Variants in BMPR1B observed in about 807,000 individuals in gnomAD.
BMPR1B encodes bone morphogenetic protein receptor type 1B, also known as bone morphogenetic protein receptor type-1B.
BMPR1B carries 12 observed loss-of-function variants against 59.1 expected under a neutral mutation model. The observed-to-expected ratio is 0.20, with a 90% CI of 0.13 to 0.33. BMPR1B has a LOEUF of 0.33. Among genes scored for constraint, BMPR1B ranks in the 10% least tolerant of loss-of-function variants. The pLI is 1.00. For missense variants in BMPR1B, 550 were observed against 610.9 expected (o/e 0.90, Z 1.05); for synonymous variants, 237 against 207.3 (o/e 1.14, Z -1.23).
At chr4:95,036,593 T>C (rs911260012) in intron 3 of BMPR1B, among the ~76,000 whole-genome samples, 1 of 152,160 alleles carries the variant, frequency 6.6e-6, no homozygotes, top group African/African-American at 2.4e-5. Context: ...GTATGTACCA[T>C]ATTTTCTTTA....
chr4:94,970,516 G>T (rs771286766), intron 2 of BMPR1B, among the ~76,000 whole-genome samples: 5 of 152,076 alleles, frequency 3.3e-5, no homozygotes, highest in Non-Finnish European at 5.9e-5. Context: ...GTTTCGCCCT[G>T]TTGTCAGACT....
chr4:95,112,275 G>A (rs1404955503), intron 4 of BMPR1B, among the ~76,000 whole-genome samples: 2 of 151,930 alleles, frequency 1.3e-5, no homozygotes, highest in African/African-American at 4.8e-5. Context: ...TGGGAACGAG[G>A]GTAACAATCT....
chr4:94,966,149 A>G (rs2149071414), intron 2 of BMPR1B, among the ~76,000 whole-genome samples: 1 of 152,334 alleles, frequency 6.6e-6, no homozygotes, highest in South Asian at 2.1e-4. Context: ...AGTGGCAATA[A>G]CACAATTTTG....
chr4:95,066,961 G>A (rs551295937), intron 3 of BMPR1B, among the ~76,000 whole-genome samples: 23 of 152,258 alleles, frequency 1.5e-4, no homozygotes, highest in Non-Finnish European at 2.6e-4. Flanking sequence ...AGGTAATAGA[G>A]TCTTCTGTCT....
chr4:94,941,450 A>G (rs931249625), intron 2 of BMPR1B, among the ~76,000 whole-genome samples: 2 of 152,054 alleles, frequency 1.3e-5, no homozygotes, highest in Non-Finnish European at 2.9e-5. Flanking sequence ...AAAAAATGAA[A>G]AAGTATTGGT....
At chr4:95,034,075 A>T (rs1269071612) in intron 3 of BMPR1B, among the ~76,000 whole-genome samples, 2 of 152,222 alleles carry the variant, frequency 1.3e-5, no homozygotes, top group Non-Finnish European at 1.5e-5. Flanking sequence ...TATTAAGAGG[A>T]TGTTTGCTAG....
chr4:94,907,653 A>G (rs561133542), intron 2 of BMPR1B, among the ~76,000 whole-genome samples: 1 of 152,132 alleles, frequency 6.6e-6, no homozygotes, highest in East Asian at 1.9e-4. Context: ...GGCACCCTAG[A>G]GTCCATAGCA....
chr4:94,972,607 G>C (rs1334775734), intron 2 of BMPR1B, among the ~76,000 whole-genome samples: 2 of 150,402 alleles, frequency 1.3e-5, no homozygotes, highest in African/African-American at 2.5e-5. Flanking sequence ...TTTCATCATT[G>C]GTCACTTAGG....
intron 1 of BMPR1B, among the ~76,000 whole-genome samples, chr4:94,778,190 A>G (rs376649194): frequency 2.6e-5 from 4 of 152,142 alleles, no homozygotes; most frequent in African/African-American, 9.7e-5. Context: ...TGCATTCCTC[A>G]GTTGCATTTG....
At chr4:94,889,241 T>C (rs1241890207) in intron 2 of BMPR1B, among the ~76,000 whole-genome samples, 1 of 152,090 alleles carries the variant, frequency 6.6e-6, no homozygotes, top group Non-Finnish European at 1.5e-5. Context: ...TTTTTTGTCT[T>C]CCTATATTTT....
intron 2 of BMPR1B, among the ~76,000 whole-genome samples, chr4:94,892,457 G>A (rs1482957796): frequency 2.0e-5 from 3 of 152,052 alleles, no homozygotes; most frequent in African/African-American, 7.2e-5. Flanking sequence ...TTGAGCTGTT[G>A]TTTGTTCATA....
chr4:95,111,380 G>A (rs981823189), intron 4 of BMPR1B, among the ~76,000 whole-genome samples: 3 of 152,148 alleles, frequency 2.0e-5, no homozygotes, highest in Middle Eastern at 3.4e-3. Flanking sequence ...TAAGATCTTA[G>A]TGGAATAATA....
intron 8 of BMPR1B, 109 bp from the exon 9 acceptor site, chr4:95,129,753 T>C (rs1401108001): frequency 1.9e-6 from 2 of 1,039,998 alleles, no homozygotes; most frequent in African/African-American, 1.6e-5. Context: ...AGAAAAATAC[T>C]AGCTAAATAT....
At chr4:95,036,494 A>G (rs1406734462) in intron 3 of BMPR1B, among the ~76,000 whole-genome samples, 5 of 152,208 alleles carry the variant, frequency 3.3e-5, no homozygotes, top group Admixed American at 6.5e-5. Context: ...GGCTTATTTC[A>G]CTTAACATAA....
At chr4:94,810,553 T>C (rs1417006364) in intron 1 of BMPR1B, among the ~76,000 whole-genome samples, 3 of 152,220 alleles carry the variant, frequency 2.0e-5, no homozygotes, top group African/African-American at 7.2e-5. Flanking sequence ...GGATGTGAGC[T>C]TACATGAAAC....
At chr4:94,758,128 G>C (rs1019159631) in intron 1 of BMPR1B, 60 bp downstream of exon 1, 1 of 149,560 alleles carries the variant, frequency 6.7e-6, no homozygotes, top group African/African-American at 2.4e-5. Context: ...GAGCGCGCGG[G>C]AGGCGGCCGA....
intron 3 of BMPR1B, among the ~76,000 whole-genome samples, chr4:95,010,027 A>G (rs1289807603): frequency 6.6e-6 from 1 of 152,218 alleles, no homozygotes. Context: ...AGATGTAAAA[A>G]GAGCATAAAC....
At chr4:95,095,184 G>C (rs1730277459) in intron 3 of BMPR1B, among the ~76,000 whole-genome samples, 1 of 151,928 alleles carries the variant, frequency 6.6e-6, no homozygotes. Flanking sequence ...AGTGAATTGA[G>C]TTAAATGATT....
chr4:94,825,853 G>A (rs548848630), intron 1 of BMPR1B, among the ~76,000 whole-genome samples: 3 of 152,248 alleles, frequency 2.0e-5, no homozygotes, highest in South Asian at 2.1e-4. Flanking sequence ...AATTTTATAA[G>A]TACACATTAC....
Sources: allele counts gnomAD v4.1 joint callset (sites outside exome capture counted in the v4.1 genomes callset), GRCh38; gene constraint gnomAD v4.1.1; transcripts MANE v1.5; gene names NCBI Gene and HGNC (gene_info 2026-07-23, HGNC 2026-07-21).